XYLT1: variants seen among roughly 807,000 people sequenced by gnomAD.
The protein encoded by XYLT1 is xylosyltransferase 1.
A neutral mutation model predicts 91.3 loss-of-function variants in XYLT1; 36 were observed. The ratio of observed to expected loss-of-function variants is 0.39; its 90% CI spans 0.30 to 0.52. XYLT1 has a LOEUF of 0.52. XYLT1 is among the 20% of genes least tolerant of loss of function. The pLI is 0.68. For synonymous variants in XYLT1, 588 were observed against 532.0 expected (o/e 1.11, Z -1.45); for missense variants, 1,242 against 1,284.5 (o/e 0.97, Z 0.51).
rs1376743320 is a variant in XYLT1 at position 17,103,418 on chromosome 16, T to G, written c.*5277A>C. 6.6e-6 allele frequency: 1 copy of G among 152,276 alleles called. No homozygotes were observed. The highest frequency in any genetic ancestry group is 2.4e-5 in the African/African-American group (1 of 41,446). 9.4% of individuals were successfully genotyped at this position (152,276 alleles called of 1,614,324 possible). A position where few individuals can be genotyped will look rare whatever the true frequency, so the allele number is the denominator to read the frequency against. ...GAACATTTTTCTTAAAGACGACATT[T>G]GTAAGCAATTCCTATAGCATCTGCC... On this transcript the variant is annotated 3_prime_UTR_variant, in exon 12 of 12. Transcript: ENST00000261381.
At chr16:17,190,995 A>G (rs899753543) in intron 5 of XYLT1, among the ~76,000 whole-genome samples, 4 of 152,196 alleles carry the variant, frequency 2.6e-5, no homozygotes, top group African/African-American at 9.7e-5. Flanking sequence ...TGTCAAAACG[A>G]TGTAAACAAG....
intron 2 of XYLT1, 130 bp from the exon 3 acceptor site, chr16:17,259,628 T>A: frequency 9.1e-7 from 1 of 1,099,460 alleles, no homozygotes; most frequent in Non-Finnish European, 1.3e-6. Flanking sequence ...CTTTTGCTAC[T>A]GGTTTAACCT....
intron 1 of XYLT1, among the ~76,000 whole-genome samples, chr16:17,368,165 G>A (rs1357990931): frequency 1.3e-5 from 2 of 152,196 alleles, no homozygotes; most frequent in Admixed American, 1.3e-4. Context: ...ATCCCAGGAG[G>A]TGGGGAGTGG....
intron 5 of XYLT1, among the ~76,000 whole-genome samples, chr16:17,168,565 C>T (rs765035491): frequency 4.6e-5 from 7 of 152,084 alleles, no homozygotes; most frequent in Admixed American, 3.3e-4. Context: ...AGCAAACCTG[C>T]ACACGTACCC....
intron 3 of XYLT1, among the ~76,000 whole-genome samples, chr16:17,224,293 C>G (rs2033024628): frequency 6.6e-6 from 1 of 152,200 alleles, no homozygotes; most frequent in Non-Finnish European, 1.5e-5. Flanking sequence ...AAAGCCTAAA[C>G]TTTCCATACA....
rs60711355 is a variant in XYLT1, at chr16:17,165,641, G to A, written c.1290-6732C>T. 6.4e-4 allele frequency among the ~76,000 whole-genome samples: 98 copies of A among 152,250 alleles called. No individual in the cohort carries two copies. In the East Asian group the frequency reaches 0.018, roughly 29 times the overall value. On this transcript the variant is annotated intron_variant, in intron 5 of 11. Transcript: ENST00000261381. Reference sequence around the variant, plus strand: ...TGGGAGGCGGAGGTTGAAGTGAGCCGAGACTGTGCCATTGCACTCCAGCCT... The same window carrying A: ...TGGGAGGCGGAGGTTGAAGTGAGCCAAGACTGTGCCATTGCACTCCAGCCT...
chr16:17,357,051 C>T (rs1412197061), intron 2 of XYLT1, among the ~76,000 whole-genome samples: 1 of 151,522 alleles, frequency 6.6e-6, no homozygotes, highest in African/African-American at 2.4e-5. Context: ...GCAGCGTGCG[C>T]CTGTAGTCCC....
At chr16:17,115,754 G>A (rs940340461) in intron 11 of XYLT1, among the ~76,000 whole-genome samples, 23 of 125,464 alleles carry the variant, frequency 1.8e-4, no homozygotes, top group Non-Finnish European at 3.2e-4. Flanking sequence ...CCAAAGTGCT[G>A]GGATTACACG....
At chr16:17,122,483 T>C (rs1253843948) in intron 10 of XYLT1, among the ~76,000 whole-genome samples, 1 of 152,246 alleles carries the variant, frequency 6.6e-6, no homozygotes, top group African/African-American at 2.4e-5. Flanking sequence ...AGATTCTAGA[T>C]ATTAGTCCTT....
At chr16:17,441,671 G>C (rs185612131) in intron 1 of XYLT1, among the ~76,000 whole-genome samples, 1 of 152,220 alleles carries the variant, frequency 6.6e-6, no homozygotes, top group Non-Finnish European at 1.5e-5. Flanking sequence ...TTAAATAGCA[G>C]GTACTCTAAG....
chr16:17,269,778 T>G (rs1455730033), intron 2 of XYLT1, among the ~76,000 whole-genome samples: 2 of 143,720 alleles, frequency 1.4e-5, no homozygotes, highest in African/African-American at 2.6e-5. Context: ...CCCTCCCACC[T>G]CTCTCCTTCT....
At position 17,134,670 on chromosome 16, in the gene XYLT1, C is replaced by T. The variant is rs746316067; in HGVS notation, c.1830G>A (p.Gly610=). 1 of 1,614,070 alleles carries T rather than the reference C, an allele frequency of 6.2e-7. No individual in the cohort carries two copies. Among genetic ancestry groups the T allele is most frequent in the African/African-American group, 1.3e-5 (1 of 74,924 alleles). Residue 610 remains glycine (G), a synonymous_variant, in exon 9 of 12, where the codon GGG becomes GGA. Transcript: ENST00000261381. ...TCCCGTACAGGTAATAGTCCAGCTG[C>T]CCAATGATTTCCTGATTCACCACGG... ...FEAVVNQEII[G]QLDYYLYGNY...
intron 2 of XYLT1, among the ~76,000 whole-genome samples, chr16:17,336,532 ATGGATG>A (rs2034981249): frequency 6.6e-6 from 1 of 152,036 alleles, no homozygotes; most frequent in African/African-American, 2.4e-5. Flanking sequence ...GGGTGTGGGT[ATGGATG>A]TGGATATGGA....
chr16:17,468,824 A>C (rs2036936452), intron 1 of XYLT1, among the ~76,000 whole-genome samples: 1 of 152,052 alleles, frequency 6.6e-6, no homozygotes. Flanking sequence ...ACGTTCTTAC[A>C]CTGGACCAGC....
chr16:17,443,718 AC>A (rs2036559737), intron 1 of XYLT1, among the ~76,000 whole-genome samples: 1 of 152,180 alleles, frequency 6.6e-6, no homozygotes, highest in Non-Finnish European at 1.5e-5. Context: ...TAATCACCTA[AC>A]CCCATGGGTC....
chr16:17,216,900 T>C (rs916200905), intron 3 of XYLT1, among the ~76,000 whole-genome samples: 1 of 152,188 alleles, frequency 6.6e-6, no homozygotes, highest in African/African-American at 2.4e-5. Context: ...AAATCTCCGG[T>C]TGATCACAAC....
intron 1 of XYLT1, among the ~76,000 whole-genome samples, chr16:17,462,224 GC>G (rs1442081691): frequency 1.3e-5 from 2 of 152,320 alleles, no homozygotes; most frequent in Admixed American, 1.3e-4. Flanking sequence ...GACAAACTAG[GC>G]CTGGGACAGG....
chr16:17,139,701 C>T (rs969104542), intron 7 of XYLT1, among the ~76,000 whole-genome samples: 1 of 152,194 alleles, frequency 6.6e-6, no homozygotes, highest in African/African-American at 2.4e-5. Context: ...ACTGATTGCC[C>T]TGTGTCCTTT....
chr16:17,185,357 C>T (rs1326818875), intron 5 of XYLT1, among the ~76,000 whole-genome samples: 1 of 152,190 alleles, frequency 6.6e-6, no homozygotes, highest in Non-Finnish European at 1.5e-5. Flanking sequence ...GCAGATACAC[C>T]CTTTCAAACT....
Sources: gnomAD v4.1 joint callset for allele counts (sites outside exome capture counted in the v4.1 genomes callset) on GRCh38, gnomAD v4.1.1 for gene constraint, MANE v1.5 for transcripts, NCBI Gene and HGNC (gene_info 2026-07-23, HGNC 2026-07-21) for gene names.